DNAJC5: variants seen among roughly 807,000 people sequenced by gnomAD.
DNAJC5 encodes the protein dnaJ homolog subfamily C member 5.
Under a neutral mutation model 23.2 loss-of-function variants are expected in DNAJC5, and 1 was observed. That is an observed-to-expected ratio of 0.04 (90% confidence interval 0.02 to 0.20). The LOEUF is 0.20. DNAJC5 is among the 10% of genes least tolerant of loss of function. DNAJC5 has a pLI of 1.00. For synonymous variants in DNAJC5, 136 were observed against 120.0 expected, an observed-to-expected ratio of 1.13 and a Z score of -0.87; for missense variants, 180 against 267.0, an observed-to-expected ratio of 0.67 and a Z score of 2.27.
intron 1 of DNAJC5, among the ~76,000 whole-genome samples, chr20:63,896,050 AT>A (rs2053373475): frequency 5.3e-5 from 8 of 152,188 alleles, no homozygotes; most frequent in Admixed American, 5.2e-4. Context: ...GGAAGCAAAA[AT>A]TTCAGCTTTA....
chr20:63,912,407 T>C (rs1030272474), intron 1 of DNAJC5, among the ~76,000 whole-genome samples: 2 of 152,196 alleles, frequency 1.3e-5, no homozygotes, highest in African/African-American at 4.8e-5. Context: ...TTTCTTCAAA[T>C]GTATTTACAG....
At position 63,933,440 on chromosome 20, in the gene DNAJC5, T is replaced by A. The variant is rs1321276149; in HGVS notation, c.*1872T>A. On this transcript the variant is annotated 3_prime_UTR_variant, in exon 5 of 5. Coordinates refer to ENST00000360864, the MANE Select transcript of DNAJC5 (RefSeq NM_025219.3). ...ACTAGGTCCTGGGCAGCTTTGTTTG[T>A]CCCACTTTTCTTTGTTTCTTCTCAC... is the stretch of plus-strand genomic sequence containing the variant. The A allele has an allele frequency of 1.3e-5, 2 of 152,338 alleles. No homozygotes were observed. Among genetic ancestry groups the A allele is most frequent in the African/African-American group, 4.8e-5 (2 of 41,442 alleles). 9.4% of individuals were successfully genotyped at this position (152,338 alleles called of 1,614,324 possible).
rs547521358 is a variant in DNAJC5, at chr20:63,925,974, C to A, written c.-11-2361C>A. On this transcript the variant is annotated intron_variant, in intron 1 of 4. Transcript: ENST00000360864. ...TCCCGAGTAGCTGGGACTACAGGTG[C>A]CTGCCACCACTTCCGGCTAATTTTT... 1.1e-4 allele frequency among the ~76,000 whole-genome samples: 17 copies of A among 152,080 alleles called. No individual in the cohort carries two copies. The South Asian group carries it at 3.3e-3, about 30-fold the overall frequency.
In DNAJC5 at chr20:63,929,326, A is replaced by C. The variant is rs528096976; in HGVS notation, c.122A>C (p.Lys41Thr). The C allele has an allele frequency of 1.2e-6, 2 of 1,613,850 alleles. No homozygotes were observed. The highest frequency in any genetic ancestry group is 2.2e-5 in the East Asian group (1 of 44,882). Residue 41 changes from lysine (K) to threonine (T), a missense_variant, in exon 3 of 5, where the codon AAA becomes ACA. Around this residue, in one of 3 missense-constraint regions of DNAJC5, gnomAD observed 77 missense variants for 106.8 expected, o/e 0.72. Transcript: ENST00000360864. This position sits in a 1 kb window ranked among gnomAD's most constrained non-coding sequence, Gnocchi z 8.6. Reference protein sequence around the residue: ...IKKSYRKLALKYHPDKNPDNP... With the variant: ...IKKSYRKLALTYHPDKNPDNP... ...TTGGTTTGCAGGAAGCTTGCCTTGA[A>C]ATATCACCCCGACAAGAACCCCGAC...
intron 1 of DNAJC5, among the ~76,000 whole-genome samples, chr20:63,901,421 A>C (rs140772383): frequency 6.5e-4 from 99 of 152,150 alleles, no homozygotes; most frequent in African/African-American, 2.3e-3. Context: ...CTGTGCCTCT[A>C]TTTTTTCACC....
intron 1 of DNAJC5, among the ~76,000 whole-genome samples, chr20:63,917,872 C>T (rs6062586): frequency 0.34 from 52,298 of 151,996 alleles, 10,739 homozygotes; most frequent in East Asian, 0.81. Flanking sequence ...TAGTAGTGCT[C>T]TGTGGTTTAA....
chr20:63,897,655 A>G lies in DNAJC5; in HGVS notation c.-12+2332A>G, dbSNP rs116163759. Among the ~76,000 whole-genome samples the G allele has an allele frequency of 7.0e-3, 1,069 of 152,354 alleles. 13 individuals are homozygous for G. Among genetic ancestry groups the G allele is most frequent in the African/African-American group, 0.025 (1,022 of 41,580 alleles). ...GTCTTTGATTACCAGGAAAAACCCT[A>G]CATGCTAGTCCTTATACTCCGTCGT... On this transcript the variant is annotated intron_variant, in intron 1 of 4. Transcript: ENST00000360864.
intron 1 of DNAJC5, among the ~76,000 whole-genome samples, chr20:63,903,490 G>A (rs1385991650): frequency 6.6e-6 from 1 of 152,024 alleles, no homozygotes; most frequent in Non-Finnish European, 1.5e-5. Context: ...GTATTTTTTA[G>A]TAGAGACGGG....
At position 63,929,890 on chromosome 20, in the gene DNAJC5, G is replaced by A. The variant is rs940629101; in HGVS notation, c.321+365G>A. Among the ~76,000 whole-genome samples the A allele has an allele frequency of 6.6e-6, 1 of 152,224 alleles. No individual in the cohort carries two copies. The highest frequency in any genetic ancestry group is 1.9e-4 in the East Asian group (1 of 5,192). On this transcript the variant is annotated intron_variant, in intron 3 of 4. Transcript: ENST00000360864. The surrounding 1 kb of genome is among the most constrained non-coding windows in gnomAD (Gnocchi z 8.6). ...CTTTCTCCTCACCTGTGTGATGGGC[G>A]AAGCTCTGTCACTGGCTTGGTGTCC...
chr20:63,921,810 A>T (rs1211239106), intron 1 of DNAJC5, among the ~76,000 whole-genome samples: 2 of 151,480 alleles, frequency 1.3e-5, no homozygotes, highest in East Asian at 3.9e-4. Flanking sequence ...ACAGGGTCTC[A>T]CTCTGTCACC....
intron 1 of DNAJC5, among the ~76,000 whole-genome samples, chr20:63,912,125 A>G (rs576737791): frequency 4.3e-4 from 65 of 152,224 alleles, no homozygotes; most frequent in Non-Finnish European, 6.8e-4. Flanking sequence ...CAATATAGCA[A>G]AACCTCATCT....
intron 1 of DNAJC5, among the ~76,000 whole-genome samples, chr20:63,927,206 T>G (rs747793252): frequency 8.6e-5 from 13 of 150,804 alleles, no homozygotes; most frequent in Non-Finnish European, 1.6e-4. Flanking sequence ...GGTTGATTAG[T>G]TAGAAACAAT....
At chr20:63,903,524 AT>A (rs1315671049) in intron 1 of DNAJC5, among the ~76,000 whole-genome samples, 1 of 151,632 alleles carries the variant, frequency 6.6e-6, no homozygotes, top group Non-Finnish European at 1.5e-5. Context: ...GGCCAGGATG[AT>A]CTCGATCTCT....
chr20:63,899,912 G>A (rs1431223742), intron 1 of DNAJC5, among the ~76,000 whole-genome samples: 5 of 143,188 alleles, frequency 3.5e-5, no homozygotes, highest in South Asian at 4.5e-4. Context: ...GTTGGGGGAC[G>A]GAGTCTCACT....
chr20:63,923,833 C>A (rs1207906297), intron 1 of DNAJC5, among the ~76,000 whole-genome samples: 1 of 152,224 alleles, frequency 6.6e-6, no homozygotes, highest in Non-Finnish European at 1.5e-5. Context: ...CGTTCCTACA[C>A]TCTCACTGCC....
intron 1 of DNAJC5, 84 bp downstream of exon 1, chr20:63,895,407 G>T (rs1401015027): frequency 6.8e-6 from 1 of 146,778 alleles, no homozygotes; most frequent in Admixed American, 6.8e-5. Flanking sequence ...GGGGGGCGGG[G>T]GCGGCACTCC....
rs2053648947 is a variant in DNAJC5 at position 63,929,706 on chromosome 20, G to GGGCGCCCGAGTCACTCCTGCCGTGCT, written c.321+206_321+207insTGGCGCCCGAGTCACTCCTGCCGTGC. On this transcript the variant is annotated intron_variant, in intron 3 of 4. Coordinates refer to ENST00000360864, the MANE Select transcript of DNAJC5 (RefSeq NM_025219.3). The surrounding 1 kb of genome is among the most constrained non-coding windows in gnomAD (Gnocchi z 8.6). ...GGCACCCGAGTCACTCCTGCCGTGC[G>GGGCGCCCGAGTCACTCCTGCCGTGCT]GGCGCCCGAGTCACTCCTGCCGTGC... is the stretch of plus-strand genomic sequence containing the variant. Among the ~76,000 whole-genome samples, 3 of 148,736 alleles carry GGGCGCCCGAGTCACTCCTGCCGTGCT rather than the reference G, an allele frequency of 2.0e-5. No homozygotes were observed. The highest frequency in any genetic ancestry group is 7.7e-5 in the African/African-American group (3 of 39,042).
Position 63,896,591 on chromosome 20 carries a change from A to G in DNAJC5, c.-12+1268A>G, listed in dbSNP as rs536624937. ...CCTTGCTAGTTCTGAACAGAGCCAC[A>G]TGCTCTGTCCTTGGATCTTCCTGGA... On this transcript the variant is annotated intron_variant, in intron 1 of 4. Transcript: ENST00000360864. 6.6e-5 allele frequency among the ~76,000 whole-genome samples: 10 copies of G among 152,282 alleles called. No homozygotes were observed. In the East Asian group the frequency reaches 1.7e-3, roughly 26 times the overall value.
intron 1 of DNAJC5, among the ~76,000 whole-genome samples, chr20:63,924,366 A>T (rs1363301537): frequency 1.3e-5 from 2 of 152,170 alleles, no homozygotes; most frequent in African/African-American, 4.8e-5. Flanking sequence ...TTTTCAACGT[A>T]CAGATTTCAT....
Sources: allele counts gnomAD v4.1 joint callset (sites outside exome capture counted in the v4.1 genomes callset), GRCh38; gene constraint gnomAD v4.1.1; regional missense constraint gnomAD v4.1.1; non-coding constraint Gnocchi (gnomAD v3.1); transcripts MANE v1.5; gene names NCBI Gene and HGNC (gene_info 2026-07-23, HGNC 2026-07-21).